Variants in ACTN1 observed in about 807,000 individuals in gnomAD.
The protein encoded by ACTN1 is actinin alpha 1, also known as alpha-actinin-1.
Under a neutral mutation model 119.6 loss-of-function variants are expected in ACTN1, and 30 were observed. The observed-to-expected ratio is 0.25, with a 90% CI of 0.19 to 0.34. The LOEUF is 0.34. Among genes scored for constraint, ACTN1 ranks in the 10% least tolerant of loss-of-function variants. The pLI is 1.00. For synonymous variants in ACTN1, 429 were observed against 472.6 expected (o/e 0.91, Z 1.20); for missense variants, 764 against 1,223.4 (o/e 0.62, Z 5.60).
intron 8 of ACTN1, among the ~76,000 whole-genome samples, chr14:68,900,269 T>A (rs1168988628): frequency 6.6e-6 from 1 of 152,086 alleles, no homozygotes; most frequent in Non-Finnish European, 1.5e-5. Flanking sequence ...TTCACTGCCA[T>A]CTGCAGGATC....
At chr14:68,948,621 G>A (rs780412092) in intron 1 of ACTN1, among the ~76,000 whole-genome samples, 2 of 152,080 alleles carry the variant, frequency 1.3e-5, no homozygotes, top group Non-Finnish European at 2.9e-5. Flanking sequence ...TTTTAGAGAC[G>A]GAAAAACAGG....
At chr14:68,960,256 G>A (rs926955982) in intron 1 of ACTN1, among the ~76,000 whole-genome samples, 4 of 152,144 alleles carry the variant, frequency 2.6e-5, no homozygotes, top group Non-Finnish European at 4.4e-5. Flanking sequence ...TCTTGTAAGT[G>A]AACCTGCACA....
chr14:68,943,292 G>A (rs943503186), intron 1 of ACTN1, among the ~76,000 whole-genome samples: 7 of 152,196 alleles, frequency 4.6e-5, no homozygotes, highest in Non-Finnish European at 5.9e-5. Context: ...TTCCAGAAGC[G>A]TGGGAAGAAG....
intron 1 of ACTN1, among the ~76,000 whole-genome samples, chr14:68,977,037 G>C (rs1477093110): frequency 6.6e-6 from 1 of 152,168 alleles, no homozygotes; most frequent in African/African-American, 2.4e-5. Flanking sequence ...CTGTCCCCTA[G>C]GAACTTGGTC....
At chr14:68,963,254 A>T (rs989313230) in intron 1 of ACTN1, among the ~76,000 whole-genome samples, 2 of 152,010 alleles carry the variant, frequency 1.3e-5, no homozygotes, top group Admixed American at 6.6e-5. Context: ...CATTCTCTAT[A>T]CCAGATGTGA....
Position 68,978,935 on chromosome 14 carries a change from C to CTG in ACTN1, c.105+16_105+17insCA. The CTG allele has an allele frequency of 7.5e-7, 1 of 1,339,760 alleles. No homozygotes were observed. The highest frequency in any genetic ancestry group is 1.0e-6 in the Non-Finnish European group (1 of 966,910). The allele number at this position is 1,339,760 out of a possible 1,614,324, so 83.0% of individuals were successfully genotyped here. ...GCTGGGGGCTGGGGGCTGCAGCGGG[C>CTG]GGGGGCGGCTGCTAACCTTTCTCTG... On this transcript the variant is annotated intron_variant, in intron 1 of 21. Coordinates refer to ENST00000394419, the MANE Select transcript of ACTN1 (RefSeq NM_001130004.2).
Position 68,889,891 on chromosome 14 carries a change from A to G in ACTN1, c.1234+248T>C, listed in dbSNP as rs557915652. On this transcript the variant is annotated intron_variant, in intron 11 of 21. Transcript: ENST00000394419. ...ACTGCACTATGCAGGAACTCTCCTC[A>G]GAACTTCGTTATGTATTAACTGATT... Among the ~76,000 whole-genome samples the G allele has an allele frequency of 3.9e-5, 6 of 152,386 alleles. No individual in the cohort carries two copies. The South Asian group carries it at 1.0e-3, about 26-fold the overall frequency.
At chr14:68,918,408 C>T (rs1243630824) in intron 3 of ACTN1, among the ~76,000 whole-genome samples, 1 of 151,342 alleles carries the variant, frequency 6.6e-6, no homozygotes, top group African/African-American at 2.4e-5. Context: ...GGTGAAACCC[C>T]GTCTCTACTA....
intron 7 of ACTN1, among the ~76,000 whole-genome samples, chr14:68,903,948 C>T (rs2033507038): frequency 6.6e-6 from 1 of 152,134 alleles, no homozygotes. Context: ...GAACCCTGAA[C>T]CTGTCCCCAT....
In ACTN1 at chr14:68,904,739, A is replaced by G. The variant is rs1430084166; in HGVS notation, c.595-3T>C. The G allele has an allele frequency of 8.7e-6, 14 of 1,612,240 alleles. No homozygotes were observed. The highest frequency in any genetic ancestry group is 1.1e-5 in the Non-Finnish European group (13 of 1,178,466). ...TTCAGATTTGTGAGTGGATCATCCT[A>G]GAGGGAGAAAAGGAGGAAGGGATGA... On this transcript the variant is annotated splice_region_variant and splice_polypyrimidine_tract_variant and intron_variant, in intron 6 of 21. Transcript: ENST00000394419.
rs1356248534 is a variant in ACTN1 at position 68,876,994 on chromosome 14, G to A, written c.2586+88C>T. On this transcript the variant is annotated intron_variant, in intron 21 of 21. Coordinates refer to ENST00000394419, the MANE Select transcript of ACTN1 (RefSeq NM_001130004.2). ...GACCCTGGAAGAAGGGGCGGTTGAG[G>A]AGTTCATGTTCCAGCTCTCACCCCT... The A allele has an allele frequency of 2.0e-6, 3 of 1,491,602 alleles. No individual in the cohort carries two copies. In the African/African-American group the frequency reaches 4.2e-5, roughly 21 times the overall value. The allele number at this position is 1,491,602 out of a possible 1,614,324, so 92.4% of individuals were successfully genotyped here.
rs1429939908 is a variant in ACTN1, at chr14:68,879,361, GC to G, written c.2281-293del. On this transcript the variant is annotated intron_variant, in intron 18 of 21. Coordinates refer to ENST00000394419, the MANE Select transcript of ACTN1 (RefSeq NM_001130004.2). This position sits in a 1 kb window ranked among gnomAD's most constrained non-coding sequence, Gnocchi z 4.9. ...GAGAAGCTCCCTCAGAAGTGACCCA[GC>G]CCCCCCGCTTCCCCAGGGGCTTCCC... Among the ~76,000 whole-genome samples, 1 of 151,950 alleles carries G rather than the reference GC, an allele frequency of 6.6e-6. No homozygotes were observed. The highest frequency in any genetic ancestry group is 2.4e-5 in the African/African-American group (1 of 41,374).
intron 14 of ACTN1, among the ~76,000 whole-genome samples, chr14:68,883,574 C>T (rs187429754): frequency 6.6e-6 from 1 of 151,992 alleles, no homozygotes; most frequent in Non-Finnish European, 1.5e-5. Context: ...GAGTTCGAGA[C>T]CAGCCTGAGC....
intron 1 of ACTN1, among the ~76,000 whole-genome samples, chr14:68,963,294 G>A (rs573324258): frequency 7.9e-5 from 12 of 152,110 alleles, no homozygotes; most frequent in African/African-American, 2.4e-4. Flanking sequence ...GAAATTGCCC[G>A]TCCCTGGGTC....
At position 68,963,894 on chromosome 14, in the gene ACTN1, A is replaced by G. The variant is rs1164359735; in HGVS notation, c.105+15058T>C. 2.0e-5 allele frequency among the ~76,000 whole-genome samples: 3 copies of G among 151,876 alleles called. No individual in the cohort carries two copies. The East Asian group carries it at 5.8e-4, about 29-fold the overall frequency. On this transcript the variant is annotated intron_variant, in intron 1 of 21. Transcript: ENST00000394419. ...GGGAAATCACTATACTATTCTCTCT[A>G]CTCCTGTGTGTGAATTTTCCATAAG... is the stretch of plus-strand genomic sequence containing the variant.
At chr14:68,970,432 C>G (rs1442338535) in intron 1 of ACTN1, among the ~76,000 whole-genome samples, 3 of 152,186 alleles carry the variant, frequency 2.0e-5, no homozygotes, top group East Asian at 3.8e-4. Context: ...ACGGGTTTCA[C>G]GTGCACAGGC....
chr14:68,929,122 G>T (rs2035089424), intron 1 of ACTN1, among the ~76,000 whole-genome samples: 1 of 152,186 alleles, frequency 6.6e-6, no homozygotes. Flanking sequence ...TGGAACAGTG[G>T]CGTGGGTGCA....
At chr14:68,900,325 G>A (rs952198519) in intron 8 of ACTN1, among the ~76,000 whole-genome samples, 3 of 152,034 alleles carry the variant, frequency 2.0e-5, no homozygotes, top group African/African-American at 4.8e-5. Context: ...CTGCACACAC[G>A]TGGCACTTGT....
intron 1 of ACTN1, chr14:68,936,978 T>C (rs4902677): frequency 0.76 from 315,140 of 417,286 alleles, 122,017 homozygotes; most frequent in East Asian, 1. Context: ...TCACCTCTGA[T>C]GTACTCCAGG....
Sources: allele counts gnomAD v4.1 joint callset (sites outside exome capture counted in the v4.1 genomes callset), GRCh38; gene constraint gnomAD v4.1.1; non-coding constraint Gnocchi (gnomAD v3.1); transcripts MANE v1.5; gene names NCBI Gene and HGNC (gene_info 2026-07-23, HGNC 2026-07-21).